ACOT7: variants seen among roughly 807,000 people sequenced by gnomAD.
ACOT7 encodes the protein cytosolic acyl coenzyme A thioester hydrolase.
Under a neutral mutation model 40.2 loss-of-function variants are expected in ACOT7, and 12 were observed. The observed-to-expected ratio is 0.30, with a 90% CI of 0.19 to 0.48. ACOT7 has a LOEUF of 0.48. Ranked by LOEUF, ACOT7 falls within the 20% of genes least tolerant of loss-of-function variation. ACOT7 has a pLI of 0.99. For synonymous variants in ACOT7, 228 were observed against 219.5 expected, an observed-to-expected ratio of 1.04 and a Z score of -0.34; for missense variants, 395 against 530.8, an observed-to-expected ratio of 0.74 and a Z score of 2.51.
At chr1:6,332,065 A>AG (rs1640970140) in intron 4 of ACOT7, among the ~76,000 whole-genome samples, 1 of 152,158 alleles carries the variant, frequency 6.6e-6, no homozygotes, top group Non-Finnish European at 1.5e-5. Flanking sequence ...GAGGGAACCA[A>AG]GGCTGCCGGC....
chr1:6,281,351 C>A (rs1378752941), intron 7 of ACOT7, 65 bp from the exon 8 acceptor site: 2 of 1,479,346 alleles, frequency 1.4e-6, no homozygotes, highest in Admixed American at 1.7e-5. Context: ...GGGACACTGG[C>A]GTTTCTGTGG....
chr1:6,299,639 T>TGA lies in ACOT7; in HGVS notation c.713-4660_713-4659insTC, dbSNP rs1377987631. 1.2e-3 allele frequency among the ~76,000 whole-genome samples: 168 copies of TGA among 135,948 alleles called. 1 individual carries two copies. Among genetic ancestry groups the TGA allele is most frequent in the African/African-American group, 5.4e-3 (160 of 29,498 alleles). 89.2% of individuals were successfully genotyped at this position (135,948 alleles called of 152,430 possible). The stretch of plus-strand genomic sequence containing the variant: ...CCTGACTAGGTACTAGGTCATGGCT[T>TGA]CAGAGAGAGAGAGAGAGAGAGCGCA... On this transcript the variant is annotated intron_variant, in intron 6 of 8. Coordinates refer to ENST00000361521, the MANE Select transcript of ACOT7 (RefSeq NM_007274.4). This position sits in a 1 kb window ranked among gnomAD's most constrained non-coding sequence, Gnocchi z 4.1.
rs187145930 is a variant in ACOT7 at position 6,269,177 on chromosome 1, G to A, written c.1015-4482C>T. On this transcript the variant is annotated intron_variant, in intron 8 of 8. Coordinates refer to ENST00000361521, the MANE Select transcript of ACOT7 (RefSeq NM_007274.4). The stretch of plus-strand genomic sequence containing the variant: ...TAACTTGCCCAAAGTGACACAGCGG[G>A]TAAGGGGAGAGCCTCCATTTAAACC... Among the ~76,000 whole-genome samples the A allele has an allele frequency of 3.9e-3, 600 of 152,356 alleles. 4 individuals carry two copies. The highest frequency in any genetic ancestry group is 0.014 in the African/African-American group (575 of 41,578).
In ACOT7 at chr1:6,323,609, T is replaced by C. The variant is rs554281910; in HGVS notation, c.625+3690A>G. 6.0e-5 allele frequency among the ~76,000 whole-genome samples: 9 copies of C among 150,536 alleles called. 1 individual carries two copies. The highest frequency in any genetic ancestry group is 2.2e-4 in the African/African-American group (9 of 40,986). On this transcript the variant is annotated intron_variant, in intron 5 of 8. Transcript: ENST00000361521. ...GGCACATGCCTGTAATCCCAGCTAC[T>C]CAGGAGGCTGAGGCACCAGAATCGC...
chr1:6,286,225 T>C (rs1639498996), intron 7 of ACOT7, among the ~76,000 whole-genome samples: 1 of 152,084 alleles, frequency 6.6e-6, no homozygotes, highest in Admixed American at 6.5e-5. Context: ...GGGACCAGCT[T>C]GAGGTGAAAA....
At position 6,330,784 on chromosome 1, in the gene ACOT7, G is replaced by A. The variant is rs2148435121; in HGVS notation, c.510+2693C>T. ...ACAGCTCTTGGCGCATCGATCCTAA[G>A]CGACAAGGCAGCAAAAGTGACTGTG... On this transcript the variant is annotated intron_variant, in intron 4 of 8. Coordinates refer to ENST00000361521, the MANE Select transcript of ACOT7 (RefSeq NM_007274.4). The surrounding 1 kb of genome is among the most constrained non-coding windows in gnomAD (Gnocchi z 4.6). 6.6e-6 allele frequency among the ~76,000 whole-genome samples: 1 copy of A among 152,306 alleles called. No individual in the cohort carries two copies. The highest frequency in any genetic ancestry group is 2.4e-5 in the African/African-American group (1 of 41,570).
intron 7 of ACOT7, among the ~76,000 whole-genome samples, chr1:6,287,690 G>C (rs1257320100): frequency 6.6e-6 from 1 of 152,158 alleles, no homozygotes; most frequent in Non-Finnish European, 1.5e-5. Context: ...AGGGGCGGCA[G>C]CAGCCAGATT....
chr1:6,387,146 G>A (rs1642453521), intron 1 of ACOT7, among the ~76,000 whole-genome samples: 1 of 152,066 alleles, frequency 6.6e-6, no homozygotes, highest in South Asian at 2.1e-4. Flanking sequence ...CACAGCGAGT[G>A]AGTGAAAGCA....
chr1:6,323,842 C>T (rs1037406968), intron 5 of ACOT7, among the ~76,000 whole-genome samples: 14 of 146,084 alleles, frequency 9.6e-5, no homozygotes, highest in African/African-American at 1.0e-4. Context: ...ACCTGAAAGA[C>T]GAGGCCACCC....
At chr1:6,393,141 G>C in intron 1 of ACOT7, 116 bp downstream of exon 1, 1 of 1,109,554 alleles carries the variant, frequency 9.0e-7, no homozygotes, top group East Asian at 4.0e-5. Context: ...GCCGTGCGGG[G>C]AATCGGCGGG....
chr1:6,309,436 C>T (rs1218128756), intron 6 of ACOT7, among the ~76,000 whole-genome samples: 1 of 152,172 alleles, frequency 6.6e-6, no homozygotes, highest in Admixed American at 6.5e-5. Flanking sequence ...GTCTTTCCGC[C>T]TCCTTCCTGT....
At chr1:6,305,138 T>A in intron 6 of ACOT7, among the ~76,000 whole-genome samples, 1 of 137,380 alleles carries the variant, frequency 7.3e-6, no homozygotes, top group Non-Finnish European at 1.6e-5. Context: ...CTCTTCCCAG[T>A]AGGGGCGGCC....
At chr1:6,315,455 A>C (rs1215048521) in intron 6 of ACOT7, among the ~76,000 whole-genome samples, 6 of 152,196 alleles carry the variant, frequency 3.9e-5, no homozygotes, top group Non-Finnish European at 7.4e-5. Flanking sequence ...ACCAGGCCCT[A>C]TAAGAGAAGG....
chr1:6,328,847 C>T (rs1640878046), intron 4 of ACOT7, among the ~76,000 whole-genome samples: 1 of 150,890 alleles, frequency 6.6e-6, no homozygotes, highest in African/African-American at 2.5e-5. Context: ...TCGGATGGGA[C>T]CCTCGGAGGG....
chr1:6,387,930 C>G (rs1460681072), intron 1 of ACOT7, among the ~76,000 whole-genome samples: 1 of 142,104 alleles, frequency 7.0e-6, no homozygotes, highest in Non-Finnish European at 1.5e-5. Context: ...AAATCAGGTT[C>G]TTTGTTTTTT....
intron 2 of ACOT7, among the ~76,000 whole-genome samples, chr1:6,339,852 G>C (rs1312190380): frequency 2.0e-5 from 3 of 149,274 alleles, no homozygotes; most frequent in Admixed American, 6.7e-5. Context: ...ACATTCTCCT[G>C]CCTCAGCCTC....
chr1:6,292,372 G>C (rs927825707), intron 7 of ACOT7, among the ~76,000 whole-genome samples: 1 of 152,242 alleles, frequency 6.6e-6, no homozygotes, highest in Admixed American at 6.5e-5. Context: ...CCCTCACTGC[G>C]TGAAGGAAGC....
chr1:6,325,155 T>C (rs752463751), intron 5 of ACOT7, among the ~76,000 whole-genome samples: 1 of 152,200 alleles, frequency 6.6e-6, no homozygotes, highest in African/African-American at 2.4e-5. Context: ...TCCCAGCTCT[T>C]TGGGAGGCCG....
chr1:6,290,532 G>C (rs1178748383), intron 7 of ACOT7, among the ~76,000 whole-genome samples: 1 of 152,202 alleles, frequency 6.6e-6, no homozygotes, highest in Non-Finnish European at 1.5e-5. Flanking sequence ...CTACCTGCAG[G>C]CACCTTTTCC....
Sources: gnomAD v4.1 joint callset for allele counts (sites outside exome capture counted in the v4.1 genomes callset) on GRCh38, gnomAD v4.1.1 for gene constraint, Gnocchi (gnomAD v3.1) non-coding constraint, MANE v1.5 for transcripts, NCBI Gene and HGNC (gene_info 2026-07-23, HGNC 2026-07-21) for gene names.